Variants in NOP9 observed in about 807,000 individuals in gnomAD.
NOP9 encodes the protein NOP9 nucleolar protein.
NOP9 carries 50 observed loss-of-function variants against 63.0 expected under a neutral mutation model. The observed-to-expected ratio is 0.79, with a 90% CI of 0.63 to 1.00. NOP9 has a LOEUF of 1.00. Among genes scored for constraint, NOP9 ranks in the 50% least tolerant of loss-of-function variants. NOP9 has a pLI of 0.00. For missense variants in NOP9, 758 were observed against 803.0 expected, an observed-to-expected ratio of 0.94 and a Z score of 0.68; for synonymous variants, 343 against 332.8, an observed-to-expected ratio of 1.03 and a Z score of -0.33.
At position 24,301,992 on chromosome 14, in the gene NOP9, T is replaced by C. The variant is rs764166410; in HGVS notation, c.836T>C (p.Phe279Ser). ...AVFITDKISS[F>S]CLQVALQVLH... ...TTTATCACTGATAAGATCTCCAGCTTCTGTCTTCAAGTGGCTTTACAGGTT... is the reference window on the plus strand; with the variant it reads ...TTTATCACTGATAAGATCTCCAGCTCCTGTCTTCAAGTGGCTTTACAGGTT... The change falls in exon 4 of 10, where the codon TTC (phenylalanine) becomes TCC (serine). Residue 279 changes from phenylalanine to serine, a missense_variant. Physicochemically the swap from Phe to Ser is radical, Grantham distance 155. Coordinates refer to ENST00000267425, the MANE Select transcript of NOP9 (RefSeq NM_174913.3). The C allele has an allele frequency of 6.2e-7, 1 of 1,614,026 alleles. No homozygotes were observed. Among genetic ancestry groups the C allele is most frequent in the East Asian group, 2.2e-5 (1 of 44,872 alleles).
chr14:24,279,405 C>T, the NOP9 span, among the ~76,000 whole-genome samples: 3 of 152,328 alleles, frequency 2.0e-5, no homozygotes, highest in Admixed American at 6.5e-5. Context: ...GGGGTTGCCA[C>T]GTGCCTGTAG....
At chr14:24,300,384 AGT>A in intron 1 of NOP9, 22 bp from the exon 2 acceptor site, 2 of 1,599,140 alleles carry the variant, frequency 1.3e-6, no homozygotes, top group Non-Finnish European at 1.7e-6. Flanking sequence ...GTCTCTTCAA[AGT>A]GTGTCTTTCT....
Position 24,308,164 on chromosome 14 carries a change from T to G in NOP9, c.*3069T>G. ...GGTAGATGGGAACCATGTAAAAGGA[T>G]GAAATGTGACTTCTGGTGTTTTTTT... On this transcript the variant is annotated 3_prime_UTR_variant, in exon 10 of 10. Coordinates refer to ENST00000267425, the MANE Select transcript of NOP9 (RefSeq NM_174913.3). 3 of 427,958 alleles carry G rather than the reference T, an allele frequency of 7.0e-6. No homozygotes were observed. The highest frequency in any genetic ancestry group is 1.3e-5 in the Non-Finnish European group (3 of 234,074). The allele number at this position is 427,958 out of a possible 1,614,324, so 26.5% of individuals were successfully genotyped here. A position where few individuals can be genotyped will look rare whatever the true frequency, so the allele number is the denominator to read the frequency against.
chr14:24,301,831 T>C, intron 3 of NOP9, 109 bp downstream of exon 3: 1 of 1,460,748 alleles, frequency 6.8e-7, no homozygotes, highest in African/African-American at 1.4e-5. Flanking sequence ...AAACCTGGTC[T>C]GGTTTGACGT....
At chr14:24,296,651 T>C, upstream of NOP9, 2 of 1,612,252 alleles carry the variant, frequency 1.2e-6, no homozygotes, top group South Asian at 2.2e-5. Flanking sequence ...GGCTGGGTAA[T>C]GGAAGGGACA....
At chr14:24,272,584 C>T in the NOP9 span, among the ~76,000 whole-genome samples, 1 of 152,210 alleles carries the variant, frequency 6.6e-6, no homozygotes, top group Non-Finnish European at 1.5e-5. Flanking sequence ...CTCTGTGCTA[C>T]TGAATCCATT....
chr14:24,271,487 CT>C, the NOP9 span: 1 of 199,060 alleles, frequency 5.0e-6, no homozygotes, highest in Non-Finnish European at 1.0e-5. Flanking sequence ...GCGGACCCAC[CT>C]GCGCTGGGAG....
chr14:24,308,118 G>A lies in NOP9; in HGVS notation c.*3023G>A. ...CATTGGAGCTTGTATGTGTGTCTTT[G>A]GTGATGACATGTGTTGTGAGGGTAG... On this transcript the variant is annotated 3_prime_UTR_variant, in exon 10 of 10. Transcript: ENST00000267425. 1.8e-6 allele frequency: 1 copy of A among 547,088 alleles called. No individual in the cohort carries two copies. The highest frequency in any genetic ancestry group is 3.3e-6 in the Non-Finnish European group (1 of 302,190). The allele number at this position is 547,088 out of a possible 1,614,324, so 33.9% of individuals were successfully genotyped here.
chr14:24,302,421 G>T lies in NOP9; in HGVS notation c.1140G>T (p.Glu380Asp). Residue 380 changes from glutamate (E) to aspartate (D), a missense_variant, in exon 5 of 10, where the codon GAG (glutamate) becomes GAT (aspartate). Physicochemically the swap from Glu to Asp is conservative, Grantham distance 45. Coordinates refer to ENST00000267425, the MANE Select transcript of NOP9 (RefSeq NM_174913.3). ...QRLLDAVTTP[E>D]LLSPVFEELS... Reference sequence around the variant, plus strand: ...TACTGGATGCAGTCACTACCCCTGAGCTGGTGAGTTGGAAACCTGAGCTGG... The same window carrying T: ...TACTGGATGCAGTCACTACCCCTGATCTGGTGAGTTGGAAACCTGAGCTGG... 1 of 1,605,692 alleles carries T rather than the reference G, an allele frequency of 6.2e-7. No individual in the cohort carries two copies.
At chr14:24,292,256 C>A in the NOP9 span, 1 of 1,614,188 alleles carries the variant, frequency 6.2e-7, no homozygotes. Flanking sequence ...TCTGCACAAT[C>A]CCCGGCCACA....
the NOP9 span, among the ~76,000 whole-genome samples, chr14:24,277,600 A>G: frequency 6.6e-6 from 1 of 152,256 alleles, no homozygotes; most frequent in Admixed American, 6.5e-5. Flanking sequence ...CTTTATAGCC[A>G]TGATGGCAAG....
Position 24,305,950 on chromosome 14 carries a change from A to C in NOP9, c.*855A>C, listed in dbSNP as rs1288461593. The C allele has an allele frequency of 6.2e-7, 1 of 1,613,088 alleles. No individual in the cohort carries two copies. The highest frequency in any genetic ancestry group is 1.3e-5 in the African/African-American group (1 of 74,912). Reference sequence around the variant, plus strand: ...GTATGACATGTTGATTTCTGACCTGAGTACTTTCTTTGGGCCAAGTCCTTG... The same window carrying C: ...GTATGACATGTTGATTTCTGACCTGCGTACTTTCTTTGGGCCAAGTCCTTG... On this transcript the variant is annotated 3_prime_UTR_variant, in exon 10 of 10. Coordinates refer to ENST00000267425, the MANE Select transcript of NOP9 (RefSeq NM_174913.3).
At chr14:24,294,049 C>G in the NOP9 span, 4 of 152,054 alleles carry the variant, frequency 2.6e-5, no homozygotes, top group Non-Finnish European at 4.4e-5. Flanking sequence ...GGAATTGGGT[C>G]TCTGCCTCGT....
At chr14:24,295,530 C>T (rs1194697540), upstream of NOP9, among the ~76,000 whole-genome samples, 1 of 152,130 alleles carries the variant, frequency 6.6e-6, no homozygotes, top group African/African-American at 2.4e-5. Context: ...GGGGCCTTTA[C>T]CTTGGATAAT....
Position 24,300,850 on chromosome 14 carries a change from A to G in NOP9, c.690A>G (p.Gln230=), listed in dbSNP as rs1682601700. Residue 230 remains glutamine, a synonymous_variant, in exon 2 of 10, where the codon CAA becomes CAG. Coordinates refer to ENST00000267425, the MANE Select transcript of NOP9 (RefSeq NM_174913.3). ...ESERARPRGS[Q]SSEAQKTPAQ... ...AGAGAGCCAGGCCCCGTGGTTCCCA[A>G]TCATCTGGTAAGTATTACAAGAGGA... The G allele has an allele frequency of 1.2e-6, 2 of 1,611,958 alleles. No homozygotes were observed. The highest frequency in any genetic ancestry group is 1.7e-5 in the Admixed American group (1 of 59,846).
In NOP9 at chr14:24,303,102, C is replaced by T; in HGVS notation, c.1172C>T (p.Pro391Leu). ...LLSPVFEELS[P>L]VLEAVLAQGH... The stretch of plus-strand genomic sequence containing the variant: ...TCCCCTGTGTTTGAGGAGCTGAGCC[C>T]TGTCTTGGAAGCTGTATTGGCCCAG... The change falls in exon 6 of 10, where the codon CCT (proline) becomes CTT (leucine). Residue 391 changes from proline to leucine, a missense_variant. By Grantham distance (98) the Pro-to-Leu change is moderately conservative (BLOSUM62 -3). Transcript: ENST00000267425. 1.3e-6 allele frequency: 2 copies of T among 1,578,570 alleles called. No homozygotes were observed.
Position 24,299,860 on chromosome 14 carries a change from C to T in NOP9, c.-95C>T, listed in dbSNP as rs2041333163. On this transcript the variant is annotated 5_prime_UTR_variant, in exon 1 of 10. Transcript: ENST00000267425. ...CTGCGTCAGGAGCGCGCCCGCGTTTCTAAACTTTGTCTGGATAAGGCGCAC... is the reference window on the plus strand; with the variant it reads ...CTGCGTCAGGAGCGCGCCCGCGTTTTTAAACTTTGTCTGGATAAGGCGCAC... 4.2e-6 allele frequency: 6 copies of T among 1,440,070 alleles called. No individual in the cohort carries two copies. The highest frequency in any genetic ancestry group is 2.4e-5 in the East Asian group (1 of 41,474). 89.2% of individuals were successfully genotyped at this position (1,440,070 alleles called of 1,614,324 possible).
At position 24,300,738 on chromosome 14, in the gene NOP9, A is replaced by C. The variant is rs2041359686; in HGVS notation, c.578A>C (p.Asp193Ala). 6.2e-7 allele frequency: 1 copy of C among 1,613,748 alleles called. No homozygotes were observed. The highest frequency in any genetic ancestry group is 8.5e-7 in the Non-Finnish European group (1 of 1,179,994). ...GGACTAGCCGCTGAGGTGTGTGATG[A>C]TTTTCTTGTCTACTGTGGAGACACA... ...VLGLAAEVCD[D>A]FLVYCGDTHG... is the part of the protein sequence containing the mutation. Residue 193 changes from aspartate (D) to alanine (A), a missense_variant, in exon 2 of 10, where the codon GAT becomes GCT. By Grantham distance (126) the Asp-to-Ala change is moderately radical. Coordinates refer to ENST00000267425, the MANE Select transcript of NOP9 (RefSeq NM_174913.3).
At chr14:24,301,274 T>A (rs143240097) in intron 2 of NOP9, among the ~76,000 whole-genome samples, 2 of 152,346 alleles carry the variant, frequency 1.3e-5, no homozygotes, top group Non-Finnish European at 2.9e-5. Context: ...TTGAGACCAC[T>A]AACTTGATTT....
Sources: allele counts gnomAD v4.1 joint callset (sites outside exome capture counted in the v4.1 genomes callset), GRCh38; gene constraint gnomAD v4.1.1; transcripts MANE v1.5; gene names NCBI Gene and HGNC (gene_info 2026-07-23, HGNC 2026-07-21).